ZFYVE21: variants seen among roughly 807,000 people sequenced by gnomAD.
ZFYVE21 encodes the protein zinc finger FYVE-type containing 21.
In ZFYVE21, 21 loss-of-function variants were observed where a neutral mutation model predicts 29.5. The ratio of observed to expected loss-of-function variants is 0.71; its 90% CI spans 0.50 to 1.02. The LOEUF is 1.02. Among genes scored for constraint, ZFYVE21 ranks in the 50% least tolerant of loss-of-function variants. The pLI is 0.00. For synonymous variants in ZFYVE21, 151 were observed against 133.8 expected (o/e 1.13, Z -0.89); for missense variants, 326 against 335.4 (o/e 0.97, Z 0.22).
At chr14:103,728,645 G>A (rs137865624) in intron 3 of ZFYVE21, 5,723 of 442,970 alleles carry the variant, frequency 0.013, 89 homozygotes, top group South Asian at 0.028. Flanking sequence ...TCCCTGCATC[G>A]TTTGAAGGAT....
rs897146569 is a variant in ZFYVE21, at chr14:103,716,587, C to T, written c.138+608C>T. Among the ~76,000 whole-genome samples, 10 of 152,226 alleles carry T rather than the reference C, an allele frequency of 6.6e-5. No individual in the cohort carries two copies. Among genetic ancestry groups the T allele is most frequent in the African/African-American group, 1.7e-4 (7 of 41,470 alleles). ...CCCCGTTTCCCTTCGTCTATACCAC[C>T]CTCCACCTCGGAAGCGAGGTCGCAG... is the stretch of plus-strand genomic sequence containing the variant. On this transcript the variant is annotated intron_variant, in intron 1 of 6. Coordinates refer to ENST00000311141, the MANE Select transcript of ZFYVE21 (RefSeq NM_024071.4). The surrounding 1 kb of genome is among the most constrained non-coding windows in gnomAD (Gnocchi z 4.8).
At chr14:103,723,983 C>A (rs550573248) in intron 1 of ZFYVE21, among the ~76,000 whole-genome samples, 2 of 152,290 alleles carry the variant, frequency 1.3e-5, no homozygotes, top group Admixed American at 1.3e-4. Flanking sequence ...CAGAGCAGCT[C>A]CTCCACACCA....
At chr14:103,726,938 CT>C in intron 2 of ZFYVE21, 96 bp downstream of exon 2, 1 of 856,146 alleles carries the variant, frequency 1.2e-6, no homozygotes, top group Non-Finnish European at 1.7e-6. Context: ...CGGATGTCAT[CT>C]TATGGCTCGT....
chr14:103,728,295 T>C (rs2083947238), intron 3 of ZFYVE21, among the ~76,000 whole-genome samples: 1 of 152,196 alleles, frequency 6.6e-6, no homozygotes, highest in Non-Finnish European at 1.5e-5. Context: ...GACCCGGTTT[T>C]GAGCCATCTC....
Position 103,733,583 on chromosome 14 carries a change from T to TTCAC in ZFYVE21, c.*571_*574dup, listed in dbSNP as rs962032253. 2 of 153,382 alleles carry TTCAC rather than the reference T, an allele frequency of 1.3e-5. No homozygotes were observed. The highest frequency in any genetic ancestry group is 3.4e-3 in the Middle Eastern group (1 of 292). The allele number at this position is 153,382 out of a possible 1,614,324, so 9.5% of individuals were successfully genotyped here. ...CGTGGGGGCTTTGTGTTTTGTACTTTTCACTCACTATTTCACTTTATTAAG... is the reference window on the plus strand; with the variant it reads ...CGTGGGGGCTTTGTGTTTTGTACTTTTCACTCACTCACTATTTCACTTTATTAAG... On this transcript the variant is annotated 3_prime_UTR_variant, in exon 7 of 7. Coordinates refer to ENST00000311141, the MANE Select transcript of ZFYVE21 (RefSeq NM_024071.4).
Position 103,715,989 on chromosome 14 carries a change from C to A in ZFYVE21, c.138+10C>A. 8.0e-7 allele frequency: 1 copy of A among 1,257,798 alleles called. No individual in the cohort carries two copies. Among genetic ancestry groups the A allele is most frequent in the Non-Finnish European group, 1.0e-6 (1 of 991,012 alleles). The allele number at this position is 1,257,798 out of a possible 1,614,324, so 77.9% of individuals were successfully genotyped here. On this transcript the variant is annotated intron_variant, in intron 1 of 6. Coordinates refer to ENST00000311141, the MANE Select transcript of ZFYVE21 (RefSeq NM_024071.4). ...GGTCCCGGACAAGGAGGTGGGTGGCCGTCGCCCCGGCCAGCGCCTCCGACC... is the reference window on the plus strand; with the variant it reads ...GGTCCCGGACAAGGAGGTGGGTGGCAGTCGCCCCGGCCAGCGCCTCCGACC...
chr14:103,728,758 A>C, intron 3 of ZFYVE21, 150 bp from the exon 4 acceptor site: 1 of 723,722 alleles, frequency 1.4e-6, no homozygotes, highest in Non-Finnish European at 2.3e-6. Flanking sequence ...CTTTTTGCTC[A>C]GCTGAAGGGG....
At chr14:103,731,200 C>G in intron 5 of ZFYVE21, 1 of 152,262 alleles carries the variant, frequency 6.6e-6, no homozygotes, top group Non-Finnish European at 1.5e-5. Context: ...GTCCCAGCTA[C>G]TCGGGAGGCT....
intron 1 of ZFYVE21, among the ~76,000 whole-genome samples, chr14:103,724,046 G>A (rs1289898079): frequency 6.6e-6 from 1 of 152,214 alleles, no homozygotes; most frequent in Non-Finnish European, 1.5e-5. Context: ...AGGGGTGCAG[G>A]GCAGGGAAGA....
intron 2 of ZFYVE21, chr14:103,727,201 C>T: frequency 2.9e-6 from 1 of 346,722 alleles, no homozygotes; most frequent in South Asian, 2.3e-5. Context: ...CCACCTCGGC[C>T]TCCCAAAGTG....
chr14:103,724,227 G>A (rs1387784785), intron 1 of ZFYVE21, among the ~76,000 whole-genome samples: 2 of 152,210 alleles, frequency 1.3e-5, no homozygotes, highest in African/African-American at 4.8e-5. Flanking sequence ...GAAGGTGCTC[G>A]GCCCCGGTGA....
intron 2 of ZFYVE21, chr14:103,727,480 T>C: frequency 1.7e-6 from 1 of 590,648 alleles, no homozygotes; most frequent in Non-Finnish European, 3.2e-6. Context: ...TCCTAAGCAG[T>C]GGGACTTGGG....
chr14:103,722,550 T>A (rs1595689252), intron 1 of ZFYVE21, among the ~76,000 whole-genome samples: 1 of 152,046 alleles, frequency 6.6e-6, no homozygotes, highest in East Asian at 2.0e-4. Flanking sequence ...CCGGGCACGG[T>A]GGCTCACGCC....
At chr14:103,724,286 C>T (rs754665040) in intron 1 of ZFYVE21, among the ~76,000 whole-genome samples, 29 of 152,222 alleles carry the variant, frequency 1.9e-4, no homozygotes, top group African/African-American at 6.5e-4. Context: ...CAGCAGTGTT[C>T]GCCGGCCCAG....
chr14:103,726,686 C>T (rs888482985), intron 1 of ZFYVE21, 106 bp from the exon 2 acceptor site: 14 of 1,382,258 alleles, frequency 1.0e-5, no homozygotes, highest in Non-Finnish European at 1.4e-5. Flanking sequence ...TGCTTGGGTG[C>T]GTGGGGAGGT....
At chr14:103,729,727 CT>C in intron 5 of ZFYVE21, 1 of 1,526,216 alleles carries the variant, frequency 6.6e-7, no homozygotes, top group Non-Finnish European at 8.8e-7. Context: ...TGTTGCTTTC[CT>C]TCCGTTCTCT....
At chr14:103,728,127 A>C in intron 3 of ZFYVE21, 4 of 513,018 alleles carry the variant, frequency 7.8e-6, no homozygotes, top group South Asian at 5.6e-5. Flanking sequence ...GTTGGTGCTG[A>C]CTCCGCTGGG....
At chr14:103,729,579 G>A (rs1332752390) in intron 5 of ZFYVE21, 4 of 628,008 alleles carry the variant, frequency 6.4e-6, no homozygotes, top group African/African-American at 5.5e-5. Context: ...TCCTGCAGGC[G>A]TCTGTGCAGA....
At chr14:103,732,497 C>A in intron 5 of ZFYVE21, 123 bp from the exon 6 acceptor site, 6 of 1,247,702 alleles carry the variant, frequency 4.8e-6, no homozygotes, top group Non-Finnish European at 5.4e-6. Context: ...CACCAGCCCT[C>A]ACTGCCAGGC....
Sources: gnomAD v4.1 joint callset for allele counts (sites outside exome capture counted in the v4.1 genomes callset) on GRCh38, gnomAD v4.1.1 for gene constraint, Gnocchi (gnomAD v3.1) non-coding constraint, MANE v1.5 for transcripts, NCBI Gene and HGNC (gene_info 2026-07-23, HGNC 2026-07-21) for gene names.